The following KCTD16 variants were observed in gnomAD, a reference collection of about 807,000 sequenced individuals.
KCTD16 encodes BTB/POZ domain-containing protein KCTD16.
KCTD16 carries 13 observed loss-of-function variants against 33.2 expected under a neutral mutation model. That is an observed-to-expected ratio of 0.39 (90% CI 0.25 to 0.62). The LOEUF (loss-of-function observed/expected upper bound fraction) is 0.62, where lower values mean the gene tolerates loss of function less well. Ranked by LOEUF, KCTD16 falls within the 20% of genes least tolerant of loss-of-function variation. The pLI, the probability that KCTD16 is intolerant of heterozygous loss-of-function variation, is 0.50. For synonymous variants in KCTD16, 197 were observed against 195.3 expected, an observed-to-expected ratio of 1.01 and a Z score of -0.07; for missense variants, 441 against 525.1, an observed-to-expected ratio of 0.84 and a Z score of 1.57.
intron 3 of KCTD16, among the ~76,000 whole-genome samples, chr5:144,252,077 C>T (rs1350730025): frequency 1.3e-5 from 2 of 152,036 alleles, no homozygotes; most frequent in Non-Finnish European, 1.5e-5. Flanking sequence ...ATATTCATTG[C>T]TTCACATAGT....
chr5:144,188,760 A>C (rs1752780822), intron 2 of KCTD16, among the ~76,000 whole-genome samples: 1 of 152,342 alleles, frequency 6.6e-6, no homozygotes, highest in Middle Eastern at 3.4e-3. Flanking sequence ...GAGTCAGGTG[A>C]GAGGTCAGCT....
intron 3 of KCTD16, among the ~76,000 whole-genome samples, chr5:144,472,953 G>A (rs1440850249): frequency 1.3e-5 from 2 of 152,182 alleles, no homozygotes; most frequent in African/African-American, 2.4e-5. Context: ...TCAAATCTCA[G>A]CTCTGCCACT....
intron 3 of KCTD16, among the ~76,000 whole-genome samples, chr5:144,378,653 A>T (rs942367421): frequency 1.3e-5 from 2 of 152,210 alleles, no homozygotes; most frequent in Non-Finnish European, 2.9e-5. Context: ...TGTAATTTAA[A>T]TAAGATGTTT....
At chr5:144,266,451 A>G (rs1316523780) in intron 3 of KCTD16, among the ~76,000 whole-genome samples, 1 of 152,220 alleles carries the variant, frequency 6.6e-6, no homozygotes, top group East Asian at 1.9e-4. Context: ...GAGAGCATCA[A>G]AAAGATTTGT....
At chr5:144,240,661 C>T (rs1358054403) in intron 3 of KCTD16, among the ~76,000 whole-genome samples, 8 of 152,108 alleles carry the variant, frequency 5.3e-5, no homozygotes, top group African/African-American at 1.4e-4. Context: ...TTAATCCTCA[C>T]GTCTCCTTAG....
intron 3 of KCTD16, among the ~76,000 whole-genome samples, chr5:144,218,930 T>A (rs747793191): frequency 1.3e-5 from 2 of 152,240 alleles, no homozygotes; most frequent in Admixed American, 1.3e-4. Flanking sequence ...TAATCACTTT[T>A]AATCACGAAT....
intron 3 of KCTD16, among the ~76,000 whole-genome samples, chr5:144,244,505 T>C (rs1206484084): frequency 6.6e-6 from 1 of 152,224 alleles, no homozygotes; most frequent in East Asian, 1.9e-4. Flanking sequence ...GGTTGCTAAG[T>C]CAATTCCACA....
rs372550453 is a variant in KCTD16, at chr5:144,447,460, G to T, written c.833-26200G>T. 1.8e-4 allele frequency among the ~76,000 whole-genome samples: 27 copies of T among 152,146 alleles called. No homozygotes were observed. In the East Asian group the frequency reaches 4.8e-3, roughly 27 times the overall value. ...ATTAGGAGAAATACCTACTGTAGAT[G>T]ATGGGTTGGTGGGTGCAGGAAACCA... On this transcript the variant is annotated intron_variant, in intron 3 of 3. Coordinates refer to ENST00000512467, the MANE Select transcript of KCTD16 (RefSeq NM_020768.4).
rs79027192 is a variant in KCTD16 at position 144,208,874 on chromosome 5, A to G, written c.832+1328A>G. ...TGCGATAACAAACATCATTTGGTTC[A>G]TTAATCCTATCTGTGGCCTTTATCT... is the stretch of plus-strand genomic sequence containing the variant. On this transcript the variant is annotated intron_variant, in intron 3 of 3. Coordinates refer to ENST00000512467, the MANE Select transcript of KCTD16 (RefSeq NM_020768.4). Among the ~76,000 whole-genome samples the G allele has an allele frequency of 3.8e-4, 58 of 152,362 alleles. No homozygotes were observed. The East Asian group carries it at 9.8e-3, about 26-fold the overall frequency.
chr5:144,427,146 T>C (rs1753350264), intron 3 of KCTD16, among the ~76,000 whole-genome samples: 1 of 151,996 alleles, frequency 6.6e-6, no homozygotes, highest in African/African-American at 2.4e-5. Context: ...TTCTAGGAAA[T>C]GGGATTGCAA....
intron 3 of KCTD16, among the ~76,000 whole-genome samples, chr5:144,328,919 C>T (rs1289233427): frequency 1.3e-5 from 2 of 150,174 alleles, no homozygotes; most frequent in South Asian, 2.1e-4. Flanking sequence ...TGATGCCAAT[C>T]GTTCTTGGTT....
chr5:144,484,941 T>C lies in KCTD16; in HGVS notation c.*10827T>C, dbSNP rs1754773776. 6.6e-6 allele frequency: 1 copy of C among 151,968 alleles called. No individual in the cohort carries two copies. The highest frequency in any genetic ancestry group is 1.5e-5 in the Non-Finnish European group (1 of 67,938). 9.4% of individuals were successfully genotyped at this position (151,968 alleles called of 1,614,324 possible). A position where few individuals can be genotyped will look rare whatever the true frequency, so the allele number is the denominator to read the frequency against. On this transcript the variant is annotated 3_prime_UTR_variant, in exon 4 of 4. Coordinates refer to ENST00000512467, the MANE Select transcript of KCTD16 (RefSeq NM_020768.4). ...AAAGGAATTTGTTTACTGACTGGTG[T>C]TAAAATGAATGTGCTTATTACAGTA...
intron 3 of KCTD16, among the ~76,000 whole-genome samples, chr5:144,372,205 CTT>C (rs200508726): frequency 1.1e-4 from 16 of 142,380 alleles, no homozygotes; most frequent in Admixed American, 2.8e-4. Context: ...CTCTGTGCTT[CTT>C]TTTTTTTTTT....
Position 144,437,908 on chromosome 5 carries a change from G to A in KCTD16, c.833-35752G>A, listed in dbSNP as rs77356354. ...ATCTTTGCTGCTCATTACAATATCC[G>A]CATGTGGCTATTGGACACTTCAAAT... On this transcript the variant is annotated intron_variant, in intron 3 of 3. Coordinates refer to ENST00000512467, the MANE Select transcript of KCTD16 (RefSeq NM_020768.4). Among the ~76,000 whole-genome samples, 536 of 152,208 alleles carry A rather than the reference G, an allele frequency of 3.5e-3. 2 individuals are homozygous for A. The highest frequency in any genetic ancestry group is 0.012 in the African/African-American group (514 of 41,526).
intron 3 of KCTD16, among the ~76,000 whole-genome samples, chr5:144,285,557 C>T (rs560813270): frequency 6.6e-6 from 1 of 152,234 alleles, no homozygotes; most frequent in East Asian, 1.9e-4. Context: ...AACACATTGA[C>T]CTTGCGTTTT....
rs187754472 is a variant in KCTD16, at chr5:144,385,777, C to A, written c.833-87883C>A. ...GCTGCACAGATATGTTGGTCCCATT[C>A]AAATCATTTAAGAGTATGTGTGTCT... is the stretch of plus-strand genomic sequence containing the variant. On this transcript the variant is annotated intron_variant, in intron 3 of 3. Coordinates refer to ENST00000512467, the MANE Select transcript of KCTD16 (RefSeq NM_020768.4). 8.1e-4 allele frequency among the ~76,000 whole-genome samples: 123 copies of A among 152,228 alleles called. 1 individual carries two copies. In the East Asian group the frequency reaches 0.021, roughly 26 times the overall value.
chr5:144,205,459 C>T, intron 2 of KCTD16: 1 of 398,748 alleles, frequency 2.5e-6, no homozygotes, highest in East Asian at 3.6e-5. Context: ...CCCCGGGCCC[C>T]CCGCCGGCAT....
intron 3 of KCTD16, among the ~76,000 whole-genome samples, chr5:144,314,717 A>G (rs1321883591): frequency 6.6e-6 from 1 of 152,232 alleles, no homozygotes; most frequent in Non-Finnish European, 1.5e-5. Flanking sequence ...ATTTGAATAC[A>G]CAAAGCTTTA....
intron 3 of KCTD16, among the ~76,000 whole-genome samples, chr5:144,254,007 G>A (rs1166895465): frequency 6.6e-6 from 1 of 152,220 alleles, no homozygotes; most frequent in African/African-American, 2.4e-5. Flanking sequence ...ACTTGGGAAA[G>A]AAGTAGGCAG....
Sources: gnomAD v4.1 joint callset for allele counts (sites outside exome capture counted in the v4.1 genomes callset) on GRCh38, gnomAD v4.1.1 for gene constraint, MANE v1.5 for transcripts, NCBI Gene and HGNC (gene_info 2026-07-23, HGNC 2026-07-21) for gene names.